GRK1: variants seen among roughly 807,000 people sequenced by gnomAD.
GRK1 encodes G protein-coupled receptor kinase 1.
In GRK1, 28 loss-of-function variants were observed where a neutral mutation model predicts 41.7. The ratio of observed to expected loss-of-function variants is 0.67; its 90% CI spans 0.50 to 0.92. The LOEUF (loss-of-function observed/expected upper bound fraction) is 0.92. GRK1 is among the 40% of genes least tolerant of loss of function. The probability of loss-of-function intolerance (pLI) is 0.00; values close to 1 mark genes in which losing one functional copy is unlikely to be tolerated. For missense variants in GRK1, 703 were observed against 671.2 expected (o/e 1.05, Z -0.52); for synonymous variants, 327 against 286.7 (o/e 1.14, Z -1.42).
chr13:113,737,128 A>T lies in GRK1; in HGVS notation c.*1765A>T, dbSNP rs2050009797. 1 of 152,694 alleles carries T rather than the reference A, an allele frequency of 6.5e-6. No individual in the cohort carries two copies. The highest frequency in any genetic ancestry group is 2.0e-4 in the South Asian group (1 of 4,904). The allele number at this position is 152,694 out of a possible 1,614,324, so 9.5% of individuals were successfully genotyped here. Reference sequence around the variant, plus strand: ...ACCCTGGCAATCCACAATTTTGGAGATTTGCTGGCTGCAGCCAAAATGGGG... The same window carrying T: ...ACCCTGGCAATCCACAATTTTGGAGTTTTGCTGGCTGCAGCCAAAATGGGG... On this transcript the variant is annotated 3_prime_UTR_variant, in exon 7 of 7. Transcript: ENST00000335678.
chr13:113,728,646 GC>G (rs1224699271), intron 4 of GRK1, among the ~76,000 whole-genome samples: 3 of 152,108 alleles, frequency 2.0e-5, no homozygotes, highest in African/African-American at 7.2e-5. Context: ...ACTCAGAGAC[GC>G]CCCGGCTCCG....
At chr13:113,732,670 C>T (rs561283050) in intron 5 of GRK1, among the ~76,000 whole-genome samples, 34 of 152,218 alleles carry the variant, frequency 2.2e-4, no homozygotes, top group African/African-American at 6.3e-4. Context: ...CCAAAATGCA[C>T]GGCACCCACC....
At chr13:113,667,103 G>T, upstream of GRK1, 1 of 350,942 alleles carries the variant, frequency 2.8e-6, no homozygotes, top group Non-Finnish European at 5.2e-6. This position sits in a 1 kb window ranked among gnomAD's most constrained non-coding sequence, Gnocchi z 7.5. Context: ...CGGATTCCAA[G>T]CAGCTCAGGG....
In GRK1 at chr13:113,735,231, G is replaced by A; in HGVS notation, c.1560G>A (p.Glu520=). 1.3e-6 allele frequency: 2 copies of A among 1,537,212 alleles called. No individual in the cohort carries two copies. The highest frequency in any genetic ancestry group is 1.7e-6 in the Non-Finnish European group (2 of 1,146,898). Residue 520 remains glutamate (E), a synonymous_variant, in exon 7 of 7, where the codon GAG becomes GAA. Transcript: ENST00000335678. ...GCAACTGCCCCATCCCCTGGCAGGA[G>A]GAGATGATCGAGACGGGCATCTTTG... ...ATGNCPIPWQ[E]EMIETGIFGE...
At chr13:113,649,368 A>G in the GRK1 span, 6 of 1,590,088 alleles carry the variant, frequency 3.8e-6, no homozygotes, top group African/African-American at 8.1e-5. The surrounding 1 kb of genome is among the most constrained non-coding windows in gnomAD (Gnocchi z 4.7). Flanking sequence ...CCCTGCGCAA[A>G]CCGTTTCACT....
At chr13:113,654,108 T>G in the GRK1 span, among the ~76,000 whole-genome samples, 1 of 152,210 alleles carries the variant, frequency 6.6e-6, no homozygotes, top group Non-Finnish European at 1.5e-5. Context: ...TTTCCATAAA[T>G]GTGGTTTCAT....
At chr13:113,656,453 C>T in the GRK1 span, among the ~76,000 whole-genome samples, 90 of 152,290 alleles carry the variant, frequency 5.9e-4, no homozygotes, top group African/African-American at 1.6e-3. Context: ...GGTAGGAGCC[C>T]GAGGTTGGCC....
chr13:113,729,259 G>T (rs2140728555), intron 4 of GRK1, among the ~76,000 whole-genome samples: 1 of 152,360 alleles, frequency 6.6e-6, no homozygotes, highest in Middle Eastern at 3.4e-3. Flanking sequence ...GACACCAACA[G>T]ATGTGCGAGC....
Position 113,671,444 on chromosome 13 carries a change from T to G in GRK1, c.828-55T>G, listed in dbSNP as rs2140719893. The G allele has an allele frequency of 1.3e-6, 1 of 772,128 alleles. No individual in the cohort carries two copies. The highest frequency in any genetic ancestry group is 1.7e-5 in the African/African-American group (1 of 59,188). 47.8% of individuals were successfully genotyped at this position (772,128 alleles called of 1,614,324 possible). A position where few individuals can be genotyped will look rare whatever the true frequency, so the allele number is the denominator to read the frequency against. ...CTGAGGCCCCAGCTCTGTCTTTCCATGATTTTACTCCCCATTAAACCCGGG... is the reference window on the plus strand; with the variant it reads ...CTGAGGCCCCAGCTCTGTCTTTCCAGGATTTTACTCCCCATTAAACCCGGG... On this transcript the variant is annotated intron_variant, in intron 2 of 6. Transcript: ENST00000335678. The surrounding 1 kb of genome is among the most constrained non-coding windows in gnomAD (Gnocchi z 4.1).
chr13:113,723,481 A>G (rs1207010326), intron 4 of GRK1, among the ~76,000 whole-genome samples: 1 of 152,182 alleles, frequency 6.6e-6, no homozygotes, highest in Non-Finnish European at 1.5e-5. Flanking sequence ...GACATCAATC[A>G]GCATATGTAA....
chr13:113,655,886 C>T, the GRK1 span, among the ~76,000 whole-genome samples: 1 of 152,236 alleles, frequency 6.6e-6, no homozygotes, highest in Non-Finnish European at 1.5e-5. Context: ...GGCCAGAGCC[C>T]TGAGCTGTGA....
chr13:113,650,713 C>G, the GRK1 span, among the ~76,000 whole-genome samples: 1 of 152,264 alleles, frequency 6.6e-6, no homozygotes, highest in East Asian at 1.9e-4. The surrounding 1 kb of genome is among the most constrained non-coding windows in gnomAD (Gnocchi z 5.0). Context: ...ATGCAAAATG[C>G]CCAGTGACCC....
In GRK1 at chr13:113,667,775, T is replaced by A; in HGVS notation, c.389T>A (p.Ile130Lys). ...KLFCSFLDEG[I>K]VAKFKEGPVE... ...TTCTGCAGCTTCCTGGATGAGGGGATAGTGGCGAAGTTTAAGGAGGGGCCT... is the reference window on the plus strand; with the variant it reads ...TTCTGCAGCTTCCTGGATGAGGGGAAAGTGGCGAAGTTTAAGGAGGGGCCT... The change falls in exon 1 of 7, where the codon ATA (isoleucine) becomes AAA (lysine). Residue 130 changes from isoleucine (I) to lysine (K), a missense_variant. Coordinates refer to ENST00000335678, the MANE Select transcript of GRK1 (RefSeq NM_002929.3). The surrounding 1 kb of genome is among the most constrained non-coding windows in gnomAD (Gnocchi z 7.5). 3 of 1,612,814 alleles carry A rather than the reference T, an allele frequency of 1.9e-6. No individual in the cohort carries two copies. Among genetic ancestry groups the A allele is most frequent in the Non-Finnish European group, 2.5e-6 (3 of 1,179,078 alleles).
chr13:113,658,029 G>A, the GRK1 span: 59 of 1,595,072 alleles, frequency 3.7e-5, no homozygotes, highest in Middle Eastern at 1.7e-4. Context: ...CCCCCCGCAC[G>A]TACCCCACCG....
chr13:113,734,588 G>C (rs1594583511), intron 6 of GRK1: 1 of 153,160 alleles, frequency 6.5e-6, no homozygotes, highest in South Asian at 2.1e-4. Flanking sequence ...CCTGGCCATC[G>C]GGGGCCGGTG....
the GRK1 span, chr13:113,658,290 G>GA: frequency 0.66 from 497,090 of 748,558 alleles, 166,286 homozygotes; most frequent in African/African-American, 0.69. Flanking sequence ...GGCCAGGGCC[G>GA]TTTATCAGCG....
At chr13:113,652,615 G>A in the GRK1 span, 1 of 553,914 alleles carries the variant, frequency 1.8e-6, no homozygotes, top group East Asian at 3.4e-5. Context: ...TGGCCTTGCA[G>A]AGACCCCTGT....
rs145478637 is a variant in GRK1, at chr13:113,735,549, C to T, written c.*186C>T. 73,341 of 579,152 alleles carry T rather than the reference C, an allele frequency of 0.13. 5,387 individuals carry two copies. Among genetic ancestry groups the T allele is most frequent in the Middle Eastern group, 0.19 (406 of 2,128 alleles). The allele number at this position is 579,152 out of a possible 1,614,324, so 35.9% of individuals were successfully genotyped here. A position where few individuals can be genotyped will look rare whatever the true frequency, so the allele number is the denominator to read the frequency against. On this transcript the variant is annotated 3_prime_UTR_variant, in exon 7 of 7. Transcript: ENST00000335678. ...GCCCACATCGGCCTGAGCCGCCAGA[C>T]GCACATGCTGGTGCCGTGAGCCCCC...
intron 6 of GRK1, chr13:113,734,711 G>C (rs991054184): frequency 5.3e-5 from 10 of 188,274 alleles, no homozygotes; most frequent in Non-Finnish European, 2.2e-5. Flanking sequence ...GGTGGGGATG[G>C]GGCCCCAGGG....
Sources: gnomAD v4.1 joint callset for allele counts (sites outside exome capture counted in the v4.1 genomes callset) on GRCh38, gnomAD v4.1.1 for gene constraint, Gnocchi (gnomAD v3.1) non-coding constraint, MANE v1.5 for transcripts, NCBI Gene and HGNC (gene_info 2026-07-23, HGNC 2026-07-21) for gene names.